TENM3: variants seen among roughly 807,000 people sequenced by gnomAD.
TENM3 encodes teneurin-3.
TENM3 carries 63 observed loss-of-function variants against 255.1 expected under a neutral mutation model. The ratio of observed to expected loss-of-function variants is 0.25; its 90% CI spans 0.20 to 0.30. TENM3 has a LOEUF of 0.30. Among genes scored for constraint, TENM3 ranks in the 10% least tolerant of loss-of-function variants. TENM3 has a pLI of 1.00. For missense variants in TENM3, 2,929 were observed against 3,461.1 expected (o/e 0.85, Z 3.86); for synonymous variants, 1,306 against 1,322.3 (o/e 0.99, Z 0.27).
the TENM3 span, among the ~76,000 whole-genome samples, chr4:182,007,770 C>A: frequency 3.9e-5 from 6 of 152,168 alleles, no homozygotes; most frequent in African/African-American, 1.4e-4. Context: ...GTCATCGTGA[C>A]GCTATTTGGT....
chr4:182,493,200 T>C (rs529616963), intron 3 of TENM3, among the ~76,000 whole-genome samples: 1 of 152,270 alleles, frequency 6.6e-6, no homozygotes, highest in South Asian at 2.1e-4. Flanking sequence ...CTAAGTGTTT[T>C]TGAAGCACAT....
intron 24 of TENM3, among the ~76,000 whole-genome samples, chr4:182,783,759 G>A (rs58180050): frequency 6.6e-6 from 1 of 151,950 alleles, no homozygotes. Context: ...TCATTTCTTT[G>A]TATTCGTTTT....
the TENM3 span, among the ~76,000 whole-genome samples, chr4:182,020,708 C>A: frequency 3.3e-5 from 5 of 152,106 alleles, no homozygotes; most frequent in Admixed American, 1.3e-4. Flanking sequence ...GAAAAGTCAT[C>A]TTTCAAAGTA....
the TENM3 span, among the ~76,000 whole-genome samples, chr4:181,535,869 G>C: frequency 6.6e-6 from 1 of 152,064 alleles, no homozygotes; most frequent in Non-Finnish European, 1.5e-5. Flanking sequence ...TAAGCCCCTG[G>C]GGAGGGAGAA....
rs572074102 is a variant in TENM3, at chr4:182,637,292, A to G, written c.988+8403A>G. Among the ~76,000 whole-genome samples the G allele has an allele frequency of 2.3e-4, 35 of 152,340 alleles. 1 individual carries two copies. In the South Asian group the frequency reaches 6.2e-3, roughly 27 times the overall value. On this transcript the variant is annotated intron_variant, in intron 5 of 27. Coordinates refer to ENST00000511685, the MANE Select transcript of TENM3 (RefSeq NM_001080477.4). ...ATATACAAATAAAATTTAAATTTGT[A>G]TAGAGTTTGTTGTTCCCACATCATC...
chr4:182,243,022 C>T (rs571525379), upstream of TENM3, among the ~76,000 whole-genome samples: 53 of 152,256 alleles, frequency 3.5e-4, 1 homozygote, highest in Admixed American at 3.3e-3. Context: ...CATTCCAGGG[C>T]GACTATGTGG....
chr4:181,776,828 A>T, the TENM3 span, among the ~76,000 whole-genome samples: 1 of 152,010 alleles, frequency 6.6e-6, no homozygotes, highest in African/African-American at 2.4e-5. Flanking sequence ...TGGATATATT[A>T]ATCCCTTTTT....
chr4:182,460,721 A>G (rs942145610), intron 3 of TENM3, among the ~76,000 whole-genome samples: 1 of 152,218 alleles, frequency 6.6e-6, no homozygotes, highest in Non-Finnish European at 1.5e-5. Flanking sequence ...ACCCATTTAT[A>G]TATTTCGGTG....
chr4:182,298,297 A>T lies in TENM3; in HGVS notation c.-75-25649A>T, dbSNP rs372481997. On this transcript the variant is annotated intron_variant, in intron 1 of 27. Coordinates refer to ENST00000511685, the MANE Select transcript of TENM3 (RefSeq NM_001080477.4). Reference sequence around the variant, plus strand: ...AGCCATATCCTAGTCCCTGAGAAATAGTTGTTGGATAAAGAAATATAGAAA... The same window carrying T: ...AGCCATATCCTAGTCCCTGAGAAATTGTTGTTGGATAAAGAAATATAGAAA... Among the ~76,000 whole-genome samples, 11 of 152,212 alleles carry T rather than the reference A, an allele frequency of 7.2e-5. 1 individual carries two copies. The highest frequency in any genetic ancestry group is 2.6e-4 in the African/African-American group (11 of 41,518).
intron 1 of TENM3, among the ~76,000 whole-genome samples, chr4:182,224,611 T>C (rs1756031683): frequency 6.6e-6 from 1 of 151,866 alleles, no homozygotes; most frequent in South Asian, 2.1e-4. Flanking sequence ...CCAGGTGAGG[T>C]AGGGAGAGGA....
the TENM3 span, among the ~76,000 whole-genome samples, chr4:181,615,070 C>G: frequency 6.6e-6 from 1 of 152,146 alleles, no homozygotes; most frequent in African/African-American, 2.4e-5. Context: ...TCTAGGTTCC[C>G]AGGCTGATCA....
chr4:182,507,191 G>A (rs939029604), intron 3 of TENM3, among the ~76,000 whole-genome samples: 2 of 152,128 alleles, frequency 1.3e-5, no homozygotes, highest in Non-Finnish European at 2.9e-5. Flanking sequence ...AAAGAAGCCC[G>A]AGTTATTCAA....
the TENM3 span, among the ~76,000 whole-genome samples, chr4:181,825,674 C>T: frequency 6.6e-6 from 1 of 152,110 alleles, no homozygotes; most frequent in African/African-American, 2.4e-5. Context: ...AAAATACCCT[C>T]AATCACAAAA....
the TENM3 span, among the ~76,000 whole-genome samples, chr4:181,997,921 T>C: frequency 2.0e-5 from 3 of 152,340 alleles, no homozygotes; most frequent in South Asian, 6.2e-4. Context: ...TTATTTACTC[T>C]GCTTTGTCTT....
the TENM3 span, among the ~76,000 whole-genome samples, chr4:182,045,607 C>A: frequency 1.3e-5 from 2 of 151,846 alleles, no homozygotes; most frequent in Non-Finnish European, 2.9e-5. Context: ...TTGGGGCTGT[C>A]CCAAGGATAG....
At chr4:182,114,792 T>A in the TENM3 span, among the ~76,000 whole-genome samples, 2 of 152,238 alleles carry the variant, frequency 1.3e-5, no homozygotes, top group African/African-American at 4.8e-5. Flanking sequence ...GAAATTATGC[T>A]TAGTGTGTAT....
At chr4:181,646,162 T>C in the TENM3 span, among the ~76,000 whole-genome samples, 1 of 152,230 alleles carries the variant, frequency 6.6e-6, no homozygotes, top group Non-Finnish European at 1.5e-5. Flanking sequence ...TGTGTGGTGG[T>C]TATGAATCAC....
chr4:182,192,763 T>C (rs1183669180), intron 1 of TENM3, among the ~76,000 whole-genome samples: 2 of 152,192 alleles, frequency 1.3e-5, no homozygotes, highest in Non-Finnish European at 2.9e-5. Flanking sequence ...AAATTGCATC[T>C]GGTGTGTATG....
the TENM3 span, among the ~76,000 whole-genome samples, chr4:182,010,641 A>C: frequency 6.6e-6 from 1 of 152,162 alleles, no homozygotes; most frequent in African/African-American, 2.4e-5. Flanking sequence ...TTATTTTCTG[A>C]TACCTTTAGT....
Sources: allele counts gnomAD v4.1 joint callset (sites outside exome capture counted in the v4.1 genomes callset), GRCh38; gene constraint gnomAD v4.1.1; transcripts MANE v1.5; gene names NCBI Gene and HGNC (gene_info 2026-07-23, HGNC 2026-07-21).